WDR27: variants seen among roughly 807,000 people sequenced by gnomAD.
WDR27 encodes WD repeat domain 27.
WDR27 carries 100 observed loss-of-function variants against 114.4 expected under a neutral mutation model. The observed-to-expected ratio is 0.87, with a 90% CI of 0.74 to 1.03. WDR27 has a LOEUF of 1.03. Among genes scored for constraint, WDR27 ranks in the 50% least tolerant of loss-of-function variants. The pLI is 0.00. For synonymous variants in WDR27, 449 were observed against 423.1 expected, an observed-to-expected ratio of 1.06 and a Z score of -0.75; for missense variants, 1,129 against 1,092.9, an observed-to-expected ratio of 1.03 and a Z score of -0.47.
intron 2 of WDR27, among the ~76,000 whole-genome samples, chr6:169,676,400 C>T (rs569439622): frequency 6.6e-6 from 1 of 152,292 alleles, no homozygotes; most frequent in South Asian, 2.1e-4. Context: ...CATCACATGA[C>T]AGATAAAGAA....
At chr6:169,439,743 G>A in the WDR27 span, among the ~76,000 whole-genome samples, 1 of 151,752 alleles carries the variant, frequency 6.6e-6, no homozygotes, top group East Asian at 1.9e-4. Context: ...AATAAACAAA[G>A]GTGAAAACAT....
Position 169,496,949 on chromosome 6 carries a change from T to G in WDR27, c.2646-39315A>C, listed in dbSNP as rs193235220. On this transcript the variant is annotated intron_variant, in intron 25 of 25. Coordinates refer to ENST00000448612, the MANE Select transcript of WDR27 (RefSeq NM_182552.5). The stretch of plus-strand genomic sequence containing the variant: ...GATATGGAAAAATCCATCCTAAAAT[T>G]CAAATGGAGTCTCAAGAGACTGTGA... 2.0e-3 allele frequency among the ~76,000 whole-genome samples: 298 copies of G among 152,118 alleles called. 1 individual carries two copies. The highest frequency in any genetic ancestry group is 6.9e-3 in the African/African-American group (287 of 41,532).
At chr6:169,455,449 G>GTTAA (rs1784311431), downstream of WDR27, among the ~76,000 whole-genome samples, 1 of 152,170 alleles carries the variant, frequency 6.6e-6, no homozygotes, top group Non-Finnish European at 1.5e-5. Context: ...CCAGTTTTAC[G>GTTAA]TTACAACACA....
intron 20 of WDR27, among the ~76,000 whole-genome samples, chr6:169,633,901 A>G (rs1325815765): frequency 6.6e-6 from 1 of 152,248 alleles, no homozygotes; most frequent in Non-Finnish European, 1.5e-5. Flanking sequence ...ACCCTCCAAT[A>G]GAGTTCAACG....
chr6:169,613,779 T>C, intron 21 of WDR27, 123 bp from the exon 22 acceptor site: 1 of 854,864 alleles, frequency 1.2e-6, no homozygotes, highest in Non-Finnish European at 1.7e-6. Flanking sequence ...TTTTTCTTAC[T>C]TGTAACAATT....
intron 25 of WDR27, among the ~76,000 whole-genome samples, chr6:169,520,223 CT>C (rs1215213128): frequency 6.6e-6 from 1 of 152,126 alleles, no homozygotes; most frequent in Non-Finnish European, 1.5e-5. Flanking sequence ...CCATAGCCAG[CT>C]TCCCACACTG....
At chr6:169,597,436 A>G (rs1807028197) in intron 23 of WDR27, among the ~76,000 whole-genome samples, 2 of 152,180 alleles carry the variant, frequency 1.3e-5, no homozygotes, top group South Asian at 4.1e-4. Context: ...GCTCAAAATT[A>G]CATTATTGTA....
intron 25 of WDR27, among the ~76,000 whole-genome samples, chr6:169,480,236 C>T (rs912594009): frequency 2.6e-5 from 4 of 152,200 alleles, no homozygotes; most frequent in Non-Finnish European, 5.9e-5. Context: ...CTGCCCGTGC[C>T]ATGCTCGAAT....
At chr6:169,493,386 T>C (rs1484905114) in intron 25 of WDR27, among the ~76,000 whole-genome samples, 1 of 152,156 alleles carries the variant, frequency 6.6e-6, no homozygotes, top group Non-Finnish European at 1.5e-5. Flanking sequence ...GCCAGAAGGA[T>C]ATTTGCCAAC....
rs1036990852 is a variant in WDR27, at chr6:169,592,892, T to C, written c.2424+9327A>G. On this transcript the variant is annotated intron_variant, in intron 23 of 25. Coordinates refer to ENST00000448612, the MANE Select transcript of WDR27 (RefSeq NM_182552.5). Reference sequence around the variant, plus strand: ...TAGCAGAAATGAATCCAGAATTTTATTGAAGCATCCAGGAACATGGTTATA... The same window carrying C: ...TAGCAGAAATGAATCCAGAATTTTACTGAAGCATCCAGGAACATGGTTATA... 6.6e-5 allele frequency among the ~76,000 whole-genome samples: 10 copies of C among 152,228 alleles called. No individual in the cohort carries two copies. The East Asian group carries it at 1.2e-3, about 18-fold the overall frequency.
intron 2 of WDR27, among the ~76,000 whole-genome samples, chr6:169,673,721 CAG>C (rs1779359275): frequency 6.6e-6 from 1 of 152,062 alleles, no homozygotes; most frequent in Non-Finnish European, 1.5e-5. Flanking sequence ...GGGACACAAA[CAG>C]AACTATCATA....
chr6:169,486,513 A>C (rs894536802), intron 25 of WDR27, among the ~76,000 whole-genome samples: 3 of 152,004 alleles, frequency 2.0e-5, no homozygotes, highest in African/African-American at 7.3e-5. Flanking sequence ...ATTTTTTGAG[A>C]CAGAGTCTCA....
intron 25 of WDR27, among the ~76,000 whole-genome samples, chr6:169,461,832 AATG>A: frequency 6.6e-6 from 1 of 152,028 alleles, no homozygotes; most frequent in Admixed American, 6.5e-5. Context: ...AAAATGATTC[AATG>A]AAAAGAAAAA....
chr6:169,670,908 C>G (rs1778563351), intron 3 of WDR27: 2 of 552,076 alleles, frequency 3.6e-6, no homozygotes, highest in South Asian at 5.8e-5. Context: ...CCTGCAGAGA[C>G]TCTCTCAGCA....
At chr6:169,506,833 A>G (rs973495395) in intron 25 of WDR27, among the ~76,000 whole-genome samples, 4 of 152,242 alleles carry the variant, frequency 2.6e-5, no homozygotes, top group Non-Finnish European at 5.9e-5. Flanking sequence ...TGGTTGTTGG[A>G]CAACTTCCAT....
chr6:169,549,942 C>T (rs1797887982), intron 25 of WDR27, among the ~76,000 whole-genome samples: 2 of 152,092 alleles, frequency 1.3e-5, no homozygotes, highest in East Asian at 1.9e-4. Flanking sequence ...CACTATGATG[C>T]TGTCATGGTG....
At chr6:169,495,510 T>A (rs1378566969) in intron 25 of WDR27, among the ~76,000 whole-genome samples, 2 of 80,942 alleles carry the variant, frequency 2.5e-5, no homozygotes, top group Non-Finnish European at 5.1e-5. Flanking sequence ...AAAAAGTTGA[T>A]TCTTTGAAAA....
At chr6:169,445,097 G>A in the WDR27 span, among the ~76,000 whole-genome samples, 5,006 of 152,272 alleles carry the variant, frequency 0.033, 262 homozygotes, top group African/African-American at 0.11. Context: ...CTGGCTTGCC[G>A]TGGTCCCAGC....
At chr6:169,667,076 T>C in intron 6 of WDR27, 60 bp downstream of exon 6, 1 of 1,447,766 alleles carries the variant, frequency 6.9e-7, no homozygotes, top group Non-Finnish European at 9.1e-7. Context: ...TGTAATATGC[T>C]CTAGAAAAAG....
Sources: gnomAD v4.1 joint callset for allele counts (sites outside exome capture counted in the v4.1 genomes callset) on GRCh38, gnomAD v4.1.1 for gene constraint, MANE v1.5 for transcripts, NCBI Gene and HGNC (gene_info 2026-07-23, HGNC 2026-07-21) for gene names.